Variants in GPLD1 observed in about 807,000 individuals in gnomAD.
The protein encoded by GPLD1 is phosphatidylinositol-glycan-specific phospholipase D.
Under a neutral mutation model 112.6 loss-of-function variants are expected in GPLD1, and 84 were observed. The ratio of observed to expected loss-of-function variants is 0.75; its 90% CI spans 0.63 to 0.89. The LOEUF (loss-of-function observed/expected upper bound fraction) is 0.89, where lower values mean the gene tolerates loss of function less well. Ranked by LOEUF, GPLD1 falls within the 40% of genes least tolerant of loss-of-function variation. The pLI, the probability that GPLD1 is intolerant of heterozygous loss-of-function variation, is 0.00. For synonymous variants in GPLD1, 386 were observed against 403.8 expected (o/e 0.96, Z 0.53); for missense variants, 1,044 against 1,051.5 (o/e 0.99, Z 0.10).
At position 24,433,175 on chromosome 6, in the gene GPLD1, C is replaced by T. The variant is rs1354545963; in HGVS notation, c.2436+12G>A. ...AACATAAACATCAATGAAGTTCAGT[C>T]CTTGGGCTCACCTTTGCCTTGGACC... On this transcript the variant is annotated intron_variant, in intron 24 of 24. Transcript: ENST00000230036. 1 of 1,593,992 alleles carries T rather than the reference C, an allele frequency of 6.3e-7. No individual in the cohort carries two copies. Among genetic ancestry groups the T allele is most frequent in the Non-Finnish European group, 8.6e-7 (1 of 1,161,664 alleles).
chr6:24,429,194 G>T (rs1053304301), intron 24 of GPLD1, 76 bp from the exon 25 acceptor site: 5 of 857,524 alleles, frequency 5.8e-6, no homozygotes, highest in Non-Finnish European at 9.5e-6. Context: ...CAGGCATCAT[G>T]CTATGCTCTA....
At chr6:24,462,078 G>C (rs376075468) in intron 11 of GPLD1, among the ~76,000 whole-genome samples, 1 of 151,984 alleles carries the variant, frequency 6.6e-6, no homozygotes, top group Non-Finnish European at 1.5e-5. Flanking sequence ...GTAAAATCTG[G>C]GTGAAGTTTA....
At chr6:24,474,729 CAGG>C (rs1194138684) in intron 5 of GPLD1, among the ~76,000 whole-genome samples, 2 of 152,108 alleles carry the variant, frequency 1.3e-5, no homozygotes, top group Non-Finnish European at 2.9e-5. Context: ...ATCATGAGGT[CAGG>C]AGATCAAGAC....
Position 24,426,549 on chromosome 6 carries a change from G to A in GPLD1, c.*2483C>T, listed in dbSNP as rs1762244418. Among the ~76,000 whole-genome samples, 1 of 152,124 alleles carries A rather than the reference G, an allele frequency of 6.6e-6. No individual in the cohort carries two copies. The highest frequency in any genetic ancestry group is 1.5e-5 in the Non-Finnish European group (1 of 68,020). On this transcript the variant is annotated 3_prime_UTR_variant, in exon 25 of 25. Coordinates refer to ENST00000230036, the MANE Select transcript of GPLD1 (RefSeq NM_001503.4). ...GCTATTGGGTGTATTCAGGCATTGAGAAAAATATAAATCGTGAGGTAAATA... is the reference window on the plus strand; with the variant it reads ...GCTATTGGGTGTATTCAGGCATTGAAAAAAATATAAATCGTGAGGTAAATA...
At chr6:24,484,148 C>T (rs927776144) in intron 2 of GPLD1, among the ~76,000 whole-genome samples, 4 of 152,054 alleles carry the variant, frequency 2.6e-5, no homozygotes, top group Admixed American at 6.5e-5. Flanking sequence ...ATCTCCTGAC[C>T]TCATGATCTG....
intron 4 of GPLD1, among the ~76,000 whole-genome samples, chr6:24,475,439 C>T (rs1288625899): frequency 6.6e-6 from 1 of 151,768 alleles, no homozygotes; most frequent in Admixed American, 6.6e-5. Context: ...ACTCAGGAGG[C>T]TGAGACACAA....
At chr6:24,425,391 A>G (rs543355300), downstream of GPLD1, 3 of 152,308 alleles carry the variant, frequency 2.0e-5, no homozygotes, top group African/African-American at 7.2e-5. Flanking sequence ...TTTTTTGATG[A>G]ATCATGTCAA....
rs1244806476 is a variant in GPLD1, at chr6:24,426,803, T to C, written c.*2229A>G. 2.0e-5 allele frequency among the ~76,000 whole-genome samples: 3 copies of C among 152,204 alleles called. No homozygotes were observed. The highest frequency in any genetic ancestry group is 2.1e-4 in the South Asian group (1 of 4,832). On this transcript the variant is annotated 3_prime_UTR_variant, in exon 25 of 25. Transcript: ENST00000230036. ...AATTAAAAGTAATTCTTCAGATAGG[T>C]TGGGCTACCAATAATTGTCCCTAAA...
chr6:24,472,177 A>G (rs1369722676), intron 7 of GPLD1, among the ~76,000 whole-genome samples: 1 of 143,324 alleles, frequency 7.0e-6, no homozygotes, highest in African/African-American at 2.8e-5. Flanking sequence ...AATGATCCAT[A>G]AAATAGAAGA....
rs1762302073 is a variant in GPLD1 at position 24,428,345 on chromosome 6, C to CTTA, written c.*686_*687insTAA. 1 of 152,112 alleles carries CTTA rather than the reference C, an allele frequency of 6.6e-6. No individual in the cohort carries two copies. The allele number at this position is 152,112 out of a possible 1,614,324, so 9.4% of individuals were successfully genotyped here. ...TTGTTACACAGATTATTTCATCACC[C>CTTA]TAAGTATCCATTAGTTATTTTTCCT... On this transcript the variant is annotated 3_prime_UTR_variant, in exon 25 of 25. Coordinates refer to ENST00000230036, the MANE Select transcript of GPLD1 (RefSeq NM_001503.4).
At chr6:24,482,629 C>G (rs1433880044) in intron 2 of GPLD1, among the ~76,000 whole-genome samples, 4 of 152,168 alleles carry the variant, frequency 2.6e-5, no homozygotes, top group Non-Finnish European at 5.9e-5. Context: ...GTTGGCCAGG[C>G]TGGTCTTGAA....
chr6:24,461,585 A>G (rs2793439), intron 11 of GPLD1, among the ~76,000 whole-genome samples: 64,038 of 151,760 alleles, frequency 0.42, 13,837 homozygotes, highest in Middle Eastern at 0.51. Context: ...AATCCCCAGA[A>G]CACCCTGCAT....
At chr6:24,456,396 AAAAAT>A (rs979954949) in intron 13 of GPLD1, 97 bp downstream of exon 13, 31 of 845,856 alleles carry the variant, frequency 3.7e-5, no homozygotes, top group African/African-American at 1.9e-4. Flanking sequence ...ACTCTGTCTC[AAAAAT>A]AAAATAAAAT....
chr6:24,441,306 CAAA>C (rs34247619), intron 20 of GPLD1, among the ~76,000 whole-genome samples: 69 of 127,370 alleles, frequency 5.4e-4, no homozygotes, highest in Admixed American at 1.3e-3. Context: ...GACTCTATCT[CAAA>C]AAAAAAAAAA....
At chr6:24,430,841 G>T (rs1420662072) in intron 24 of GPLD1, among the ~76,000 whole-genome samples, 3 of 152,120 alleles carry the variant, frequency 2.0e-5, no homozygotes, top group African/African-American at 7.2e-5. Flanking sequence ...CTGGAAAAGT[G>T]AAGTAATTTT....
At chr6:24,494,527 C>T (rs1458636288), upstream of GPLD1, among the ~76,000 whole-genome samples, 1 of 152,114 alleles carries the variant, frequency 6.6e-6, no homozygotes, top group Non-Finnish European at 1.5e-5. Flanking sequence ...GTGATCACGG[C>T]CTTGGCATTT....
chr6:24,446,746 C>T (rs1211756338), intron 18 of GPLD1, 92 bp downstream of exon 18: 4 of 1,230,384 alleles, frequency 3.3e-6, no homozygotes, highest in Non-Finnish European at 4.4e-6. Flanking sequence ...CATTTCCTAG[C>T]CCTTTTCCCT....
At chr6:24,480,006 C>T (rs892696820) in intron 2 of GPLD1, 47 bp from the exon 3 acceptor site, 2 of 1,212,198 alleles carry the variant, frequency 1.6e-6, no homozygotes, top group African/African-American at 3.0e-5. Flanking sequence ...AGTCAACAGC[C>T]TGGGGAGTAT....
In GPLD1 at chr6:24,479,936, C is replaced by G. The variant is rs1139460; in HGVS notation, c.177G>C (p.Ala59=). 3.1e-6 allele frequency: 5 copies of G among 1,608,702 alleles called. No individual in the cohort carries two copies. The highest frequency in any genetic ancestry group is 1.1e-5 in the South Asian group (1 of 90,976). Residue 59 remains alanine, a synonymous_variant, in exon 3 of 25, where the codon GCG becomes GCC. Transcript: ENST00000230036. ...YRELLLEHQD[A]YQAGIVFPDC... is the part of the protein sequence containing the mutation. ...CAGGAAACACGATTCCAGCCTGATACGCATCCTGGTGTTCTAGTAACAGCT... is the reference window on the plus strand; with the variant it reads ...CAGGAAACACGATTCCAGCCTGATAGGCATCCTGGTGTTCTAGTAACAGCT...
Sources: gnomAD v4.1 joint callset for allele counts (sites outside exome capture counted in the v4.1 genomes callset) on GRCh38, gnomAD v4.1.1 for gene constraint, MANE v1.5 for transcripts, NCBI Gene and HGNC (gene_info 2026-07-23, HGNC 2026-07-21) for gene names.